The following STK31 variants were observed in gnomAD, a reference collection of about 807,000 sequenced individuals.
STK31 encodes the protein serine/threonine kinase 31, also known as serine/threonine-protein kinase 31.
STK31 carries 89 observed loss-of-function variants against 129.7 expected under a neutral mutation model. The ratio of observed to expected loss-of-function variants is 0.69; its 90% CI spans 0.58 to 0.82. The LOEUF is 0.82. STK31 is among the 40% of genes least tolerant of loss of function. The pLI is 0.00. For synonymous variants in STK31, 448 were observed against 395.3 expected (o/e 1.13, Z -1.58); for missense variants, 1,187 against 1,176.4 (o/e 1.01, Z -0.13).
At chr7:23,782,239 G>A (rs6944818) in intron 16 of STK31, among the ~76,000 whole-genome samples, 16,576 of 151,954 alleles carry the variant, frequency 0.11, 1,113 homozygotes, top group Non-Finnish European at 0.15. Context: ...TTGGGAGGCC[G>A]AGGCGGGCGG....
Position 23,770,994 on chromosome 7 carries a change from A to G in STK31, c.1714-11A>G, listed in dbSNP as rs774842268. On this transcript the variant is annotated splice_polypyrimidine_tract_variant and intron_variant, in intron 13 of 23. Coordinates refer to ENST00000355870, the MANE Select transcript of STK31 (RefSeq NM_031414.5). The stretch of plus-strand genomic sequence containing the variant: ...CTTTGTGTATAATTCTATGTGTGTG[A>G]TTTCATTTAGGATCAAGGTGATGCA... 9 of 1,605,106 alleles carry G rather than the reference A, an allele frequency of 5.6e-6. No individual in the cohort carries two copies. The highest frequency in any genetic ancestry group is 6.8e-6 in the Non-Finnish European group (8 of 1,176,556).
In STK31 at chr7:23,781,476, C is replaced by T. The variant is rs140352990; in HGVS notation, c.2023C>T (p.Arg675Cys). The change falls in exon 16 of 24, where the codon CGC (arginine) becomes TGC (cysteine). Residue 675 changes from arginine (R) to cysteine (C), a missense_variant. Physicochemically the swap from Arg to Cys is radical, Grantham distance 180. This residue lies in a region of STK31 where 975 missense variants were observed against 934.9 expected (regional missense o/e 1.04). Transcript: ENST00000355870. The part of the protein sequence containing the change: ...EKIKEEITQL[R>C]NNVFQEIYHE... ...AATAAAAGAAGAAATAACTCAGCTGCGCAATAATGTCTTTCAGGAAATTTA... is the reference window on the plus strand; with the variant it reads ...AATAAAAGAAGAAATAACTCAGCTGTGCAATAATGTCTTTCAGGAAATTTA... 8.3e-5 allele frequency: 133 copies of T among 1,611,316 alleles called. No individual in the cohort carries two copies. Among genetic ancestry groups the T allele is most frequent in the East Asian group, 2.7e-4 (12 of 44,622 alleles).
intron 10 of STK31, among the ~76,000 whole-genome samples, chr7:23,755,552 T>A (rs1185664654): frequency 6.6e-6 from 1 of 152,242 alleles, no homozygotes; most frequent in Non-Finnish European, 1.5e-5. Flanking sequence ...GCTTTTGTTG[T>A]TTTTGTCAAG....
At position 23,769,074 on chromosome 7, in the gene STK31, A is replaced by G. The variant is rs751055860; in HGVS notation, c.1496A>G (p.Tyr499Cys). ...ANSDEILKKF[Y>C]DWKCDKREEF... ...TCTGATGAAATACTTAAAAAATTTT[A>G]TGACTGGAAGTGTGATAAAAGAGAG... Residue 499 changes from tyrosine (Y) to cysteine (C), a missense_variant, in exon 12 of 24, where the codon TAT becomes TGT. This residue lies in a region of STK31 where 975 missense variants were observed against 934.9 expected (regional missense o/e 1.04). Transcript: ENST00000355870. 2 of 1,613,370 alleles carry G rather than the reference A, an allele frequency of 1.2e-6. No individual in the cohort carries two copies. Among genetic ancestry groups the G allele is most frequent in the East Asian group, 2.2e-5 (1 of 44,876 alleles).
chr7:23,721,896 T>C (rs1164290550), intron 4 of STK31: 2 of 397,476 alleles, frequency 5.0e-6, no homozygotes, highest in South Asian at 4.5e-5. Flanking sequence ...ATGCGTCACG[T>C]AGTTCTCGTG....
chr7:23,781,103 C>T (rs1224271143), intron 15 of STK31, among the ~76,000 whole-genome samples: 1 of 152,210 alleles, frequency 6.6e-6, no homozygotes, highest in African/African-American at 2.4e-5. Context: ...CTATTATTAA[C>T]ATTTCTTTTG....
chr7:23,768,909 C>G, intron 11 of STK31, 86 bp from the exon 12 acceptor site: 1 of 1,125,702 alleles, frequency 8.9e-7, no homozygotes, highest in Admixed American at 2.9e-5. Flanking sequence ...CAGCATACTG[C>G]TTTTCTACCC....
intron 10 of STK31, among the ~76,000 whole-genome samples, chr7:23,756,509 T>C (rs1321238722): frequency 6.6e-6 from 1 of 152,188 alleles, no homozygotes; most frequent in Non-Finnish European, 1.5e-5. Flanking sequence ...CTGATTGCCC[T>C]GTCGAGAACT....
In STK31 at chr7:23,800,132, G is replaced by A. The variant is rs189371578; in HGVS notation, c.2760+9186G>A. On this transcript the variant is annotated intron_variant, in intron 22 of 23. Transcript: ENST00000355870. ...GAAATAGGAACGCTTTACATTGTTG[G>A]TGGGAGTGTAAATTAGTTCGGCCAT... Among the ~76,000 whole-genome samples, 14 of 152,290 alleles carry A rather than the reference G, an allele frequency of 9.2e-5. No homozygotes were observed. In the East Asian group the frequency reaches 2.7e-3, roughly 29 times the overall value.
In STK31 at chr7:23,735,558, C is replaced by A. The variant is rs369296305; in HGVS notation, c.504C>A (p.Ser168Arg). 1.2e-6 allele frequency: 2 copies of A among 1,600,052 alleles called. No individual in the cohort carries two copies. Among genetic ancestry groups the A allele is most frequent in the African/African-American group, 1.3e-5 (1 of 74,182 alleles). The change falls in exon 7 of 24, where the codon AGC becomes AGA. Residue 168 changes from serine (S) to arginine (R), a missense_variant. Transcript: ENST00000355870. ...QFDQGTTFLG[S>R]LIFEKEIKMR... is the part of the protein sequence containing the mutation. ...CTTAGGGCACAACCTTTTTGGGGAG[C>A]TTGATTTTTGAAAAGGAAATAAAAA...
chr7:23,710,082 C>T (rs1028336544), upstream of STK31: 6 of 825,374 alleles, frequency 7.3e-6, no homozygotes, highest in Admixed American at 5.3e-5. Flanking sequence ...GCCTCAGTGC[C>T]TGGGGGTCGG....
rs1364552252 is a variant in STK31, at chr7:23,710,225, G to T, written c.-61G>T. On this transcript the variant is annotated 5_prime_UTR_variant, in exon 1 of 24. Transcript: ENST00000355870. ...GGCGCAGTGTGGGGCCCTTGCGGTCGAAGCTCACGCGGTAAGCCGCTGCAC... is the reference window on the plus strand; with the variant it reads ...GGCGCAGTGTGGGGCCCTTGCGGTCTAAGCTCACGCGGTAAGCCGCTGCAC... 1 of 1,611,310 alleles carries T rather than the reference G, an allele frequency of 6.2e-7. No individual in the cohort carries two copies. Among genetic ancestry groups the T allele is most frequent in the South Asian group, 1.1e-5 (1 of 90,570 alleles).
rs1159978673 is a variant in STK31 at position 23,832,345 on chromosome 7, T to C, written c.3039T>C (p.Gly1013=). The change falls in exon 24 of 24, where the codon GGT becomes GGC. Residue 1013 remains glycine (G), a synonymous_variant. Transcript: ENST00000355870. The part of the protein sequence containing the change: ...LDKCMEKTRN[G]EANFDC ...AATGTATGGAGAAGACAAGAAATGG[T>C]GAAGCCAACTTTGATTGTTAAATTA... The C allele has an allele frequency of 1.2e-6, 2 of 1,609,714 alleles. No homozygotes were observed. The highest frequency in any genetic ancestry group is 2.2e-5 in the East Asian group (1 of 44,838).
At chr7:23,828,814 C>G (rs776052578) in intron 23 of STK31, among the ~76,000 whole-genome samples, 6 of 152,144 alleles carry the variant, frequency 3.9e-5, no homozygotes, top group Non-Finnish European at 8.8e-5. Context: ...ACTTCCAGGA[C>G]TGTGTTGAAG....
intron 18 of STK31, 27 bp from the exon 19 acceptor site, chr7:23,786,481 T>A: frequency 1.3e-6 from 2 of 1,570,306 alleles, no homozygotes; most frequent in Non-Finnish European, 1.7e-6. Context: ...ATCTTGGAAT[T>A]ACGAGTGCCT....
chr7:23,738,598 T>C (rs1165749298), intron 8 of STK31, among the ~76,000 whole-genome samples: 2 of 152,038 alleles, frequency 1.3e-5, no homozygotes, highest in Non-Finnish European at 2.9e-5. Flanking sequence ...CAAACTTGCC[T>C]TATTTATATC....
At position 23,832,422 on chromosome 7, in the gene STK31, C is replaced by A. The variant is rs548776463; in HGVS notation, c.*56C>A. The A allele has an allele frequency of 9.7e-5, 118 of 1,217,186 alleles. No individual in the cohort carries two copies. The African/African-American group carries it at 1.7e-3, about 17-fold the overall frequency. The allele number at this position is 1,217,186 out of a possible 1,614,324, so 75.4% of individuals were successfully genotyped here. A position where few individuals can be genotyped will look rare whatever the true frequency, so the allele number is the denominator to read the frequency against. Reference sequence around the variant, plus strand: ...TTTAAAAACTTTGGTTTGGTTAATACACAGAAATATCTAGAAATGTTCTGG... The same window carrying A: ...TTTAAAAACTTTGGTTTGGTTAATAAACAGAAATATCTAGAAATGTTCTGG... On this transcript the variant is annotated 3_prime_UTR_variant, in exon 24 of 24. Transcript: ENST00000355870.
At chr7:23,826,294 C>T (rs574643083) in intron 23 of STK31, among the ~76,000 whole-genome samples, 2 of 152,074 alleles carry the variant, frequency 1.3e-5, no homozygotes, top group African/African-American at 4.8e-5. Flanking sequence ...GTATTGGGTG[C>T]ATATATATTT....
chr7:23,830,702 T>C (rs998710168), intron 23 of STK31, among the ~76,000 whole-genome samples: 3 of 151,396 alleles, frequency 2.0e-5, no homozygotes, highest in Non-Finnish European at 4.4e-5. Context: ...TCACTGCAAC[T>C]TCTGCCTCAT....
Sources: gnomAD v4.1 joint callset for allele counts (sites outside exome capture counted in the v4.1 genomes callset) on GRCh38, gnomAD v4.1.1 for gene constraint, gnomAD v4.1.1 regional missense constraint, MANE v1.5 for transcripts, NCBI Gene and HGNC (gene_info 2026-07-23, HGNC 2026-07-21) for gene names.